Variants in ADAT2 observed in about 807,000 individuals in gnomAD.
ADAT2 encodes the protein adenosine deaminase tRNA specific 2, also known as tRNA-specific adenosine-34 deaminase catalytic subunit ADAT2.
A neutral mutation model predicts 25.9 loss-of-function variants in ADAT2; 26 were observed. The ratio of observed to expected loss-of-function variants is 1.00; its 90% CI spans 0.74 to 1.39. The LOEUF is 1.39. Among genes scored for constraint, ADAT2 ranks in the 40% most tolerant of loss-of-function variants. The pLI, the probability that ADAT2 is intolerant of heterozygous loss-of-function variation, is 0.00. For synonymous variants in ADAT2, 76 were observed against 86.8 expected, an observed-to-expected ratio of 0.88 and a Z score of 0.69; for missense variants, 220 against 244.8, an observed-to-expected ratio of 0.90 and a Z score of 0.68.
Position 143,428,299 on chromosome 6 carries a change from A to G in ADAT2, c.*164T>C. 1.4e-6 allele frequency: 1 copy of G among 704,272 alleles called. No homozygotes were observed. The highest frequency in any genetic ancestry group is 2.0e-5 in the South Asian group (1 of 48,872). 43.6% of individuals were successfully genotyped at this position (704,272 alleles called of 1,614,324 possible). On this transcript the variant is annotated 3_prime_UTR_variant, in exon 6 of 6. Coordinates refer to ENST00000237283, the MANE Select transcript of ADAT2 (RefSeq NM_182503.3). This position sits in a 1 kb window ranked among gnomAD's most constrained non-coding sequence, Gnocchi z 5.0. ...CTGTTTACAATTGTCAGACTTCTAA[A>G]AAGTGCTAATTTGTTCCCTTAACAG...
Position 143,428,549 on chromosome 6 carries a change from C to T in ADAT2, c.533-43G>A, listed in dbSNP as rs1360242001. 6 of 1,612,350 alleles carry T rather than the reference C, an allele frequency of 3.7e-6. No homozygotes were observed. Among genetic ancestry groups the T allele is most frequent in the Non-Finnish European group, 4.2e-6 (5 of 1,178,788 alleles). ...AAGAAAAAGAAAATGAAGAGGTAAGCTCATAGCAGATTCTCTTTGTATGGA... is the reference window on the plus strand; with the variant it reads ...AAGAAAAAGAAAATGAAGAGGTAAGTTCATAGCAGATTCTCTTTGTATGGA... On this transcript the variant is annotated intron_variant, in intron 5 of 5. Coordinates refer to ENST00000237283, the MANE Select transcript of ADAT2 (RefSeq NM_182503.3). This position sits in a 1 kb window ranked among gnomAD's most constrained non-coding sequence, Gnocchi z 5.0.
Position 143,426,564 on chromosome 6 carries a change from C to T in ADAT2, c.*1899G>A, listed in dbSNP as rs1005568262. 6 of 152,180 alleles carry T rather than the reference C, an allele frequency of 3.9e-5. No individual in the cohort carries two copies. The highest frequency in any genetic ancestry group is 8.8e-5 in the Non-Finnish European group (6 of 68,038). The allele number at this position is 152,180 out of a possible 1,614,324, so 9.4% of individuals were successfully genotyped here. A position where few individuals can be genotyped will look rare whatever the true frequency, so the allele number is the denominator to read the frequency against. On this transcript the variant is annotated 3_prime_UTR_variant, in exon 6 of 6. Transcript: ENST00000237283. This position sits in a 1 kb window ranked among gnomAD's most constrained non-coding sequence, Gnocchi z 4.1. The stretch of plus-strand genomic sequence containing the variant: ...GGAAACACTACTTATCCATCATTCT[C>T]CAAAACAGCAAAGACGGAACATATG...
Position 143,424,760 on chromosome 6 carries a change from G to A in ADAT2, c.*3703C>T, listed in dbSNP as rs540389279. The A allele has an allele frequency of 6.6e-6, 1 of 152,070 alleles. No individual in the cohort carries two copies. The highest frequency in any genetic ancestry group is 2.4e-5 in the African/African-American group (1 of 41,478). The allele number at this position is 152,070 out of a possible 1,614,324, so 9.4% of individuals were successfully genotyped here. On this transcript the variant is annotated 3_prime_UTR_variant, in exon 6 of 6. Transcript: ENST00000237283. The surrounding 1 kb of genome is among the most constrained non-coding windows in gnomAD (Gnocchi z 4.8). Reference sequence around the variant, plus strand: ...AGAAAAATTTTTTTTATCAATTTTGGCAGACAGTAAAAGAGGAAGAATGCA... The same window carrying A: ...AGAAAAATTTTTTTTATCAATTTTGACAGACAGTAAAAGAGGAAGAATGCA...
chr6:143,432,845 T>A lies in ADAT2; in HGVS notation c.353-234A>T, dbSNP rs1562637934. ...GCAAACAGAATGAAAACTGAGTATG[T>A]GTTTGCTTAAAGTTCACAGTTCAGG... On this transcript the variant is annotated intron_variant, in intron 3 of 5. Transcript: ENST00000237283. This position sits in a 1 kb window ranked among gnomAD's most constrained non-coding sequence, Gnocchi z 4.4. 6.6e-6 allele frequency among the ~76,000 whole-genome samples: 1 copy of A among 152,242 alleles called. No individual in the cohort carries two copies. The highest frequency in any genetic ancestry group is 6.5e-5 in the Admixed American group (1 of 15,288).
intron 1 of ADAT2, among the ~76,000 whole-genome samples, chr6:143,449,505 T>C (rs1779693110): frequency 6.6e-6 from 1 of 152,210 alleles, no homozygotes; most frequent in Non-Finnish European, 1.5e-5. Flanking sequence ...AGGAGGCAGC[T>C]GCTTCTTGGG....
At chr6:143,441,765 G>C (rs1475906394) in intron 1 of ADAT2, 1 of 152,082 alleles carries the variant, frequency 6.6e-6, no homozygotes, top group African/African-American at 2.4e-5. Context: ...CACCAAAGAA[G>C]ATAACACACA....
Position 143,424,237 on chromosome 6 carries a change from T to A in ADAT2, c.*4226A>T, listed in dbSNP as rs1038905872. Reference sequence around the variant, plus strand: ...CTTCATAGATGAAGTCAATGTAGTCTTATTCCTTTGCCAAAAGGCAGAGAA... The same window carrying A: ...CTTCATAGATGAAGTCAATGTAGTCATATTCCTTTGCCAAAAGGCAGAGAA... On this transcript the variant is annotated 3_prime_UTR_variant, in exon 6 of 6. Coordinates refer to ENST00000237283, the MANE Select transcript of ADAT2 (RefSeq NM_182503.3). This position sits in a 1 kb window ranked among gnomAD's most constrained non-coding sequence, Gnocchi z 4.8. 1 of 152,222 alleles carries A rather than the reference T, an allele frequency of 6.6e-6. No individual in the cohort carries two copies. The highest frequency in any genetic ancestry group is 2.4e-5 in the African/African-American group (1 of 41,458). 9.4% of individuals were successfully genotyped at this position (152,222 alleles called of 1,614,324 possible).
At chr6:143,443,248 A>C (rs1375932395) in intron 1 of ADAT2, among the ~76,000 whole-genome samples, 1 of 152,064 alleles carries the variant, frequency 6.6e-6, no homozygotes, top group African/African-American at 2.4e-5. Context: ...TTGTTCAACA[A>C]ACATTTGTGG....
At chr6:143,435,755 CA>C (rs2074623129) in intron 2 of ADAT2, among the ~76,000 whole-genome samples, 1 of 152,156 alleles carries the variant, frequency 6.6e-6, no homozygotes, top group South Asian at 2.1e-4. Context: ...GTAATTAAAA[CA>C]TTTTTAAAAA....
Position 143,448,845 on chromosome 6 carries a change from C to CA in ADAT2, c.96+1717dup, listed in dbSNP as rs200350641. On this transcript the variant is annotated intron_variant, in intron 1 of 5. Coordinates refer to ENST00000237283, the MANE Select transcript of ADAT2 (RefSeq NM_182503.3). ...CAACACAGAGAGACCCTGTCTAAAC[C>CA]AAAAAAAAATCTTCTAAAAATAAAA... Among the ~76,000 whole-genome samples the CA allele has an allele frequency of 5.8e-3, 874 of 149,446 alleles. 8 individuals are homozygous for CA. The highest frequency in any genetic ancestry group is 0.01 in the Admixed American group (151 of 15,038).
intron 2 of ADAT2, among the ~76,000 whole-genome samples, chr6:143,435,538 G>T (rs1583978807): frequency 6.6e-6 from 1 of 152,110 alleles, no homozygotes; most frequent in East Asian, 1.9e-4. Context: ...CACTGGATGG[G>T]GTTAGATGGG....
Position 143,423,110 on chromosome 6 carries a change from C to T in ADAT2, c.*5353G>A, listed in dbSNP as rs1050203371. 17 of 152,204 alleles carry T rather than the reference C, an allele frequency of 1.1e-4. No individual in the cohort carries two copies. Among genetic ancestry groups the T allele is most frequent in the African/African-American group, 4.1e-4 (17 of 41,444 alleles). The allele number at this position is 152,204 out of a possible 1,614,324, so 9.4% of individuals were successfully genotyped here. A position where few individuals can be genotyped will look rare whatever the true frequency, so the allele number is the denominator to read the frequency against. ...TGAACAAGCAGCTTCCAATCTCAGC[C>T]TTTTACCTACTCTAGACCAGGGGCA... On this transcript the variant is annotated 3_prime_UTR_variant, in exon 6 of 6. Coordinates refer to ENST00000237283, the MANE Select transcript of ADAT2 (RefSeq NM_182503.3).
At position 143,425,733 on chromosome 6, in the gene ADAT2, T is replaced by TTG. The variant is rs71714792; in HGVS notation, c.*2728_*2729dup. The TTG allele has an allele frequency of 0.12, 17,046 of 136,372 alleles. 1,032 individuals are homozygous for TTG. Among genetic ancestry groups the TTG allele is most frequent in the East Asian group, 0.17 (765 of 4,414 alleles). 8.4% of individuals were successfully genotyped at this position (136,372 alleles called of 1,614,324 possible). A position where few individuals can be genotyped will look rare whatever the true frequency, so the allele number is the denominator to read the frequency against. On this transcript the variant is annotated 3_prime_UTR_variant, in exon 6 of 6. Coordinates refer to ENST00000237283, the MANE Select transcript of ADAT2 (RefSeq NM_182503.3). ...GGTAAAGGGCCATGGTGTGTTGTGT[T>TTG]TGTGTGTGTGTGTGTGTGTGTGTGT... is the stretch of plus-strand genomic sequence containing the variant.
intron 3 of ADAT2, among the ~76,000 whole-genome samples, chr6:143,433,449 G>GA (rs553467657): frequency 5.9e-5 from 9 of 151,262 alleles, no homozygotes; most frequent in Admixed American, 1.3e-4. Context: ...GATAAACAGA[G>GA]AAAAAAAAAT....
At position 143,440,010 on chromosome 6, in the gene ADAT2, TC is replaced by T. The variant is rs888850260; in HGVS notation, c.97-1317del. 2.0e-5 allele frequency among the ~76,000 whole-genome samples: 3 copies of T among 152,182 alleles called. No homozygotes were observed. The highest frequency in any genetic ancestry group is 7.2e-5 in the African/African-American group (3 of 41,452). On this transcript the variant is annotated intron_variant, in intron 1 of 5. Coordinates refer to ENST00000237283, the MANE Select transcript of ADAT2 (RefSeq NM_182503.3). This position sits in a 1 kb window ranked among gnomAD's most constrained non-coding sequence, Gnocchi z 4.5. ...AGCTCTGGGCCCTAGGAAAATTAAC[TC>T]TACCTTCAGGCGGAGAGCTTAAGCA...
At chr6:143,430,704 C>T (rs1456237615) in intron 4 of ADAT2, among the ~76,000 whole-genome samples, 1 of 151,898 alleles carries the variant, frequency 6.6e-6, no homozygotes, top group Non-Finnish European at 1.5e-5. Flanking sequence ...TAGCTGGGAT[C>T]ACAGGCGCCC....
At position 143,437,240 on chromosome 6, in the gene ADAT2, A is replaced by G. The variant is rs142526340; in HGVS notation, c.201+1350T>C. 1.1e-4 allele frequency among the ~76,000 whole-genome samples: 17 copies of G among 152,326 alleles called. No homozygotes were observed. In the East Asian group the frequency reaches 1.9e-3, roughly 17 times the overall value. On this transcript the variant is annotated intron_variant, in intron 2 of 5. Coordinates refer to ENST00000237283, the MANE Select transcript of ADAT2 (RefSeq NM_182503.3). The surrounding 1 kb of genome is among the most constrained non-coding windows in gnomAD (Gnocchi z 4.1). ...ATTTTGAGTAAATTTCCTATAATCAATGTAAGCTTTCCCAGTGTTTGAACG... is the reference window on the plus strand; with the variant it reads ...ATTTTGAGTAAATTTCCTATAATCAGTGTAAGCTTTCCCAGTGTTTGAACG...
intron 4 of ADAT2, among the ~76,000 whole-genome samples, chr6:143,429,174 C>T (rs1283211479): frequency 1.3e-5 from 2 of 152,136 alleles, no homozygotes; most frequent in African/African-American, 2.4e-5. Flanking sequence ...GCAAATTATA[C>T]TTGGTGGACC....
intron 4 of ADAT2, among the ~76,000 whole-genome samples, chr6:143,430,659 G>A (rs565196207): frequency 1.2e-3 from 187 of 152,078 alleles, no homozygotes; most frequent in Non-Finnish European, 2.2e-3. Flanking sequence ...TCTGCCTCCC[G>A]GGTTCAGGCC....
Sources: gnomAD v4.1 joint callset for allele counts (sites outside exome capture counted in the v4.1 genomes callset) on GRCh38, gnomAD v4.1.1 for gene constraint, Gnocchi (gnomAD v3.1) non-coding constraint, MANE v1.5 for transcripts, NCBI Gene and HGNC (gene_info 2026-07-23, HGNC 2026-07-21) for gene names.